Variants in CASP4 observed in about 807,000 individuals in gnomAD.
CASP4 encodes the protein caspase-4.
CASP4 carries 29 observed loss-of-function variants against 41.3 expected under a neutral mutation model. The observed-to-expected ratio is 0.70, with a 90% CI of 0.52 to 0.96. The LOEUF (loss-of-function observed/expected upper bound fraction) is 0.96, where lower values mean the gene tolerates loss of function less well. CASP4 is among the 40% of genes least tolerant of loss of function. CASP4 has a pLI of 0.00. For synonymous variants in CASP4, 185 were observed against 158.4 expected (o/e 1.17, Z -1.26); for missense variants, 447 against 460.6 (o/e 0.97, Z 0.27).
intron 1 of CASP4, among the ~76,000 whole-genome samples, chr11:104,957,068 A>G (rs1860752628): frequency 6.6e-6 from 1 of 152,150 alleles, no homozygotes; most frequent in South Asian, 2.1e-4. Context: ...CAATTCGCCA[A>G]CAAAAAGAAA....
At chr11:104,952,155 G>A (rs1254682106) in intron 2 of CASP4, 150 bp from the exon 3 acceptor site, 6 of 571,724 alleles carry the variant, frequency 1.0e-5, no homozygotes, top group Non-Finnish European at 1.9e-5. Flanking sequence ...TACATCAGGA[G>A]ATGTATTGTT....
chr11:104,950,432 A>G (rs531831376), intron 4 of CASP4, among the ~76,000 whole-genome samples: 1 of 152,148 alleles, frequency 6.6e-6, no homozygotes, highest in South Asian at 2.1e-4. Context: ...AGACACACAT[A>G]TGCACACCTG....
Position 104,948,610 on chromosome 11 carries a change from G to T in CASP4, c.848C>A (p.Ser283Tyr). Residue 283 changes from serine to tyrosine, a missense_variant, in exon 6 of 9, where the codon TCT (serine) becomes TAT (tyrosine). Ser to Tyr is a moderately radical substitution (Grantham distance 144). Coordinates refer to ENST00000444739, the MANE Select transcript of CASP4 (RefSeq NM_001225.4). Reference protein sequence around the residue: ...ASLEVASSQSSENLEEDAVYK... With the variant: ...ASLEVASSQSYENLEEDAVYK... The stretch of plus-strand genomic sequence containing the variant: ...AACAGCATCTTCCTCTAGGTTCTCA[G>T]ATGACTGTGAAGAGGCCACTTCCAA... 1 of 1,611,558 alleles carries T rather than the reference G, an allele frequency of 6.2e-7. No individual in the cohort carries two copies. Among genetic ancestry groups the T allele is most frequent in the Non-Finnish European group, 8.5e-7 (1 of 1,178,528 alleles).
At chr11:104,964,138 A>G (rs976809249) in intron 1 of CASP4, among the ~76,000 whole-genome samples, 3 of 152,232 alleles carry the variant, frequency 2.0e-5, no homozygotes, top group Non-Finnish European at 2.9e-5. Flanking sequence ...TATAGCTTTA[A>G]TAGTGTCTAT....
At position 104,954,876 on chromosome 11, in the gene CASP4, A is replaced by G. The variant is rs757745508; in HGVS notation, c.133T>C (p.Tyr45His). The change falls in exon 2 of 9, where the codon TAT (tyrosine) becomes CAT (histidine). Residue 45 changes from tyrosine to histidine, a missense_variant. Tyr to His is a moderately conservative substitution (Grantham distance 83). Coordinates refer to ENST00000444739, the MANE Select transcript of CASP4 (RefSeq NM_001225.4). ...LNWKEEEKKKYYDAKTEDKVR... is the reference protein window; with the variant it reads ...LNWKEEEKKKHYDAKTEDKVR... ...TTGTCTTCAGTTTTAGCATCGTAAT[A>G]TTTCTTTTTTTCCTCTTCCTTCCAG... The G allele has an allele frequency of 1.2e-6, 2 of 1,613,618 alleles. No homozygotes were observed. The highest frequency in any genetic ancestry group is 2.7e-5 in the African/African-American group (2 of 74,858).
In CASP4 at chr11:104,952,166, A is replaced by G. The variant is rs1041056990; in HGVS notation, c.263-161T>C. 1.9e-5 allele frequency: 11 copies of G among 565,796 alleles called. No homozygotes were observed. The Admixed American group carries it at 3.3e-4, about 17-fold the overall frequency. The allele number at this position is 565,796 out of a possible 1,614,324, so 35.0% of individuals were successfully genotyped here. ...ATTCTACATCAGGAGATGTATTGTTACTGGAAAAGATAGAAAAGCAGATCC... is the reference window on the plus strand; with the variant it reads ...ATTCTACATCAGGAGATGTATTGTTGCTGGAAAAGATAGAAAAGCAGATCC... On this transcript the variant is annotated intron_variant, in intron 2 of 8. Transcript: ENST00000444739.
intron 1 of CASP4, among the ~76,000 whole-genome samples, chr11:104,964,336 C>T (rs56011093): frequency 0.093 from 14,096 of 152,224 alleles, 1,081 homozygotes; most frequent in African/African-American, 0.2. Context: ...ACCAATCCTT[C>T]AGTTTTCACA....
chr11:104,947,449 A>C (rs1860492653), intron 6 of CASP4: 1 of 246,982 alleles, frequency 4.0e-6, no homozygotes. Flanking sequence ...GATTCTTGGG[A>C]TTGGCTTTCT....
Position 104,947,142 on chromosome 11 carries a change from G to A in CASP4, c.976C>T (p.Leu326Phe), listed in dbSNP as rs1421096493. 2 of 1,613,024 alleles carry A rather than the reference G, an allele frequency of 1.2e-6. No homozygotes were observed. The highest frequency in any genetic ancestry group is 1.7e-6 in the Non-Finnish European group (2 of 1,179,288). The part of the protein sequence containing the change: ...STMGSIFITQ[L>F]ITCFQKYSWC... ...GAATATTTCTGGAAGCATGTGATGA[G>A]TTGTGTGATGAAGATAGAGCCCATT... The change falls in exon 7 of 9, where the codon CTC (leucine) becomes TTC (phenylalanine). Residue 326 changes from leucine to phenylalanine, a missense_variant. Transcript: ENST00000444739.
intron 7 of CASP4, among the ~76,000 whole-genome samples, chr11:104,945,110 A>G (rs1860423991): frequency 1.3e-5 from 2 of 152,148 alleles, no homozygotes; most frequent in Non-Finnish European, 2.9e-5. Context: ...TCTATTTTCC[A>G]TTTCTGACCT....
chr11:104,946,140 C>T (rs1347249532), intron 7 of CASP4, among the ~76,000 whole-genome samples: 6 of 152,132 alleles, frequency 3.9e-5, no homozygotes, highest in Non-Finnish European at 7.3e-5. Context: ...AGTGACTGTG[C>T]TGGTTCTGGA....
At position 104,962,227 on chromosome 11, in the gene CASP4, C is replaced by A. The variant is rs1475769166; in HGVS notation, c.7+6292G>T. ...ACTATGGTGAGGTGAGCAGGCTGAT[C>A]AGAAGCCGTTCCGTTCTTCTGGAAG... On this transcript the variant is annotated intron_variant, in intron 1 of 8. Coordinates refer to ENST00000444739, the MANE Select transcript of CASP4 (RefSeq NM_001225.4). 5.3e-5 allele frequency among the ~76,000 whole-genome samples: 8 copies of A among 151,954 alleles called. No individual in the cohort carries two copies. The South Asian group carries it at 1.7e-3, about 32-fold the overall frequency.
intron 7 of CASP4, among the ~76,000 whole-genome samples, chr11:104,945,950 G>A (rs969227771): frequency 1.3e-5 from 2 of 151,902 alleles, no homozygotes. Context: ...GAGCTCAAGC[G>A]ATTCTCCCAT....
chr11:104,949,867 T>G lies in CASP4; in HGVS notation c.547-90A>C. 2.4e-6 allele frequency: 3 copies of G among 1,229,254 alleles called. 1 individual carries two copies. In the Admixed American group the frequency reaches 5.6e-5, roughly 23 times the overall value. 76.1% of individuals were successfully genotyped at this position (1,229,254 alleles called of 1,614,324 possible). Reference sequence around the variant, plus strand: ...TACCATGAGCGAAACAAGAAACATATGTAACATCCAGGTCGTGGTGCTTCA... The same window carrying G: ...TACCATGAGCGAAACAAGAAACATAGGTAACATCCAGGTCGTGGTGCTTCA... On this transcript the variant is annotated intron_variant, in intron 4 of 8. Transcript: ENST00000444739.
At chr11:104,965,042 A>G (rs1860942413) in intron 1 of CASP4, among the ~76,000 whole-genome samples, 1 of 152,180 alleles carries the variant, frequency 6.6e-6, no homozygotes, top group Non-Finnish European at 1.5e-5. Context: ...GGAGAGAAAA[A>G]TTATGCTTCA....
intron 4 of CASP4, 63 bp downstream of exon 4, chr11:104,950,862 G>A (rs988629662): frequency 2.8e-5 from 42 of 1,481,124 alleles, no homozygotes; most frequent in Middle Eastern, 4.4e-4. Context: ...TTTGAAGCTA[G>A]GTAGTTATTA....
Position 104,949,572 on chromosome 11 carries a change from T to C in CASP4, c.752A>G (p.Lys251Arg). The C allele has an allele frequency of 6.2e-7, 1 of 1,613,910 alleles. No homozygotes were observed. Among genetic ancestry groups the C allele is most frequent in the African/African-American group, 1.3e-5 (1 of 75,026 alleles). ...RNCLSLKDKP[K>R]VIIVQACRGA... ...TCTGCAGGCCTGGACAATGATGACCTTGGGTTTGTCCTTCAGACTGAGGCA... is the reference window on the plus strand; with the variant it reads ...TCTGCAGGCCTGGACAATGATGACCCTGGGTTTGTCCTTCAGACTGAGGCA... Residue 251 changes from lysine to arginine, a missense_variant, in exon 5 of 9, where the codon AAG (lysine) becomes AGG (arginine). Coordinates refer to ENST00000444739, the MANE Select transcript of CASP4 (RefSeq NM_001225.4).
chr11:104,942,986 G>GA lies in CASP4; in HGVS notation c.*6-14dup, dbSNP rs1223369626. 4.4e-6 allele frequency: 2 copies of GA among 454,446 alleles called. No individual in the cohort carries two copies. The highest frequency in any genetic ancestry group is 4.0e-5 in the African/African-American group (2 of 49,982). The allele number at this position is 454,446 out of a possible 1,614,324, so 28.2% of individuals were successfully genotyped here. On this transcript the variant is annotated splice_polypyrimidine_tract_variant and intron_variant, in intron 8 of 8. Transcript: ENST00000444739. ...TGCTTGTGGCTTCCTGCAGGGGAGAGAAAAAACAGAAGGTCAAGATGGTTA... is the reference window on the plus strand; with the variant it reads ...TGCTTGTGGCTTCCTGCAGGGGAGAGAAAAAAACAGAAGGTCAAGATGGTTA...
chr11:104,943,064 C>T (rs369538287), intron 8 of CASP4, 91 bp from the exon 9 acceptor site: 11 of 433,826 alleles, frequency 2.5e-5, no homozygotes, highest in African/African-American at 2.0e-4. Context: ...GCATCCTCTT[C>T]CATGTGCTCT....
Sources: allele counts gnomAD v4.1 joint callset (sites outside exome capture counted in the v4.1 genomes callset), GRCh38; gene constraint gnomAD v4.1.1; transcripts MANE v1.5; gene names NCBI Gene and HGNC (gene_info 2026-07-23, HGNC 2026-07-21).